The following ZNF385D variants were observed in gnomAD, a reference collection of about 807,000 sequenced individuals.
The protein encoded by ZNF385D is zinc finger protein 385D.
In ZNF385D, 15 loss-of-function variants were observed where a neutral mutation model predicts 35.8. The ratio of observed to expected loss-of-function variants is 0.42; its 90% confidence interval spans 0.28 to 0.64. The LOEUF (loss-of-function observed/expected upper bound fraction) is 0.64, where lower values mean the gene tolerates loss of function less well. Among genes scored for constraint, ZNF385D ranks in the 30% least tolerant of loss-of-function variants. The pLI is 0.23. For synonymous variants in ZNF385D, 212 were observed against 186.8 expected (o/e 1.13, Z -1.10); for missense variants, 474 against 494.6 (o/e 0.96, Z 0.39).
chr3:21,752,797 G>A (rs571006618), upstream of ZNF385D, among the ~76,000 whole-genome samples: 6 of 152,030 alleles, frequency 3.9e-5, no homozygotes, highest in East Asian at 1.2e-3. Context: ...CAATGTTACG[G>A]GAAAGTATTG....
intron 3 of ZNF385D, among the ~76,000 whole-genome samples, chr3:22,001,922 AATC>A (rs575963991): frequency 6.6e-6 from 1 of 152,048 alleles, no homozygotes; most frequent in Non-Finnish European, 1.5e-5. Flanking sequence ...TAACATACTA[AATC>A]CTATGCAATA....
chr3:21,848,333 C>T (rs946060281), intron 3 of ZNF385D, among the ~76,000 whole-genome samples: 4 of 151,678 alleles, frequency 2.6e-5, no homozygotes, highest in African/African-American at 7.3e-5. Context: ...TCTTTGAGAT[C>T]GTGATTTCAA....
chr3:22,326,822 T>G (rs1347574106), intron 2 of ZNF385D, among the ~76,000 whole-genome samples: 2 of 152,206 alleles, frequency 1.3e-5, no homozygotes, highest in African/African-American at 4.8e-5. Context: ...TACCGAACAT[T>G]ACCAAAGCAC....
intron 2 of ZNF385D, among the ~76,000 whole-genome samples, chr3:22,269,820 A>G (rs559300929): frequency 1.6e-4 from 24 of 151,924 alleles, no homozygotes; most frequent in African/African-American, 5.3e-4. Flanking sequence ...CTGAATCTCA[A>G]TGCTAACTCC....
At chr3:22,100,232 G>C (rs1391741537) in intron 3 of ZNF385D, among the ~76,000 whole-genome samples, 1 of 144,090 alleles carries the variant, frequency 6.9e-6, no homozygotes, top group South Asian at 2.3e-4. Flanking sequence ...TACACTGTTG[G>C]TGGGACTGTA....
At chr3:21,843,111 T>C (rs2125790995) in intron 3 of ZNF385D, among the ~76,000 whole-genome samples, 1 of 152,144 alleles carries the variant, frequency 6.6e-6, no homozygotes, top group Admixed American at 6.6e-5. Flanking sequence ...GAGTAGTTCT[T>C]AGATAATTGC....
intron 3 of ZNF385D, among the ~76,000 whole-genome samples, chr3:21,817,498 A>ACAACCCCAT (rs2073203558): frequency 6.7e-6 from 1 of 150,370 alleles, no homozygotes; most frequent in Non-Finnish European, 1.5e-5. Flanking sequence ...AAAAAATTGA[A>ACAACCCCAT]CAACAAGTGG....
chr3:21,536,016 C>T (rs1183189427), intron 3 of ZNF385D, among the ~76,000 whole-genome samples: 1 of 108,818 alleles, frequency 9.2e-6, no homozygotes, highest in Admixed American at 1.1e-4. Context: ...GGAGCTGGAT[C>T]TATTATGTTT....
intron 4 of ZNF385D, among the ~76,000 whole-genome samples, chr3:21,497,482 A>T (rs144692153): frequency 1.3e-5 from 2 of 152,326 alleles, no homozygotes; most frequent in East Asian, 3.9e-4. Flanking sequence ...AAAACAATTG[A>T]TAGATTCAAT....
chr3:22,046,815 G>C (rs890377542), intron 3 of ZNF385D, among the ~76,000 whole-genome samples: 1 of 152,020 alleles, frequency 6.6e-6, no homozygotes, highest in Non-Finnish European at 1.5e-5. Context: ...ATTGTATTTG[G>C]AGAAACAATT....
At chr3:22,170,170 G>C in intron 2 of ZNF385D, among the ~76,000 whole-genome samples, 1 of 152,140 alleles carries the variant, frequency 6.6e-6, no homozygotes, top group East Asian at 1.9e-4. Context: ...AATATTAGCA[G>C]AGAAAAACAG....
At chr3:21,728,134 G>A (rs1408598207) in intron 1 of ZNF385D, among the ~76,000 whole-genome samples, 1 of 152,006 alleles carries the variant, frequency 6.6e-6, no homozygotes, top group African/African-American at 2.4e-5. Flanking sequence ...GCGGCCTGTC[G>A]GGTGGTGGAG....
At chr3:21,787,701 C>G (rs558673645) in intron 3 of ZNF385D, among the ~76,000 whole-genome samples, 1 of 152,040 alleles carries the variant, frequency 6.6e-6, no homozygotes, top group African/African-American at 2.4e-5. Context: ...TATGAACGGA[C>G]AGGAAGATCA....
At chr3:22,056,507 G>C (rs182570050) in intron 3 of ZNF385D, among the ~76,000 whole-genome samples, 1 of 152,192 alleles carries the variant, frequency 6.6e-6, no homozygotes, top group East Asian at 1.9e-4. Flanking sequence ...TCCATGACCC[G>C]TTATAGGGTG....
At chr3:21,932,145 C>T (rs1183160820) in intron 3 of ZNF385D, among the ~76,000 whole-genome samples, 1 of 94,264 alleles carries the variant, frequency 1.1e-5, no homozygotes, top group African/African-American at 4.2e-5. Flanking sequence ...CCGGCCTGGG[C>T]GAAAGAGCAA....
At chr3:21,726,172 A>G (rs181612822) in intron 1 of ZNF385D, among the ~76,000 whole-genome samples, 1 of 152,272 alleles carries the variant, frequency 6.6e-6, no homozygotes, top group Admixed American at 6.5e-5. Context: ...TCGATGGAAC[A>G]TATTTCAAAA....
intron 2 of ZNF385D, among the ~76,000 whole-genome samples, chr3:21,649,471 T>A (rs920190186): frequency 6.6e-6 from 1 of 152,072 alleles, no homozygotes; most frequent in Admixed American, 6.6e-5. Flanking sequence ...TCCAGCCACA[T>A]CAAGAATCTT....
At chr3:22,182,382 G>C (rs1695338275) in intron 2 of ZNF385D, among the ~76,000 whole-genome samples, 1 of 152,098 alleles carries the variant, frequency 6.6e-6, no homozygotes, top group East Asian at 1.9e-4. Flanking sequence ...AGTAAAAGTT[G>C]AAAGAAATAA....
chr3:21,623,890 C>T (rs1027056915), intron 2 of ZNF385D, among the ~76,000 whole-genome samples: 1 of 151,920 alleles, frequency 6.6e-6, no homozygotes, highest in Non-Finnish European at 1.5e-5. Context: ...GTAACTCTGA[C>T]AAAATTAGTA....
Sources: allele counts gnomAD v4.1 joint callset (sites outside exome capture counted in the v4.1 genomes callset), GRCh38; gene constraint gnomAD v4.1.1; transcripts MANE v1.5; gene names NCBI Gene and HGNC (gene_info 2026-07-23, HGNC 2026-07-21).